The following DEPDC7 variants were observed in gnomAD, a reference collection of about 807,000 sequenced individuals.
The protein encoded by DEPDC7 is DEP domain-containing protein 7.
A neutral mutation model predicts 56.6 loss-of-function variants in DEPDC7; 41 were observed. The observed-to-expected ratio is 0.72, with a 90% CI of 0.56 to 0.94. The LOEUF is 0.94. Ranked by LOEUF, DEPDC7 falls within the 40% of genes least tolerant of loss-of-function variation. The probability of loss-of-function intolerance (pLI) is 0.00; values close to 1 mark genes in which losing one functional copy is unlikely to be tolerated. For missense variants in DEPDC7, 522 were observed against 596.3 expected (o/e 0.88, Z 1.30); for synonymous variants, 185 against 208.8 (o/e 0.89, Z 0.98).
At chr11:33,020,499 T>C (rs1354132963) in intron 1 of DEPDC7, among the ~76,000 whole-genome samples, 2 of 152,228 alleles carry the variant, frequency 1.3e-5, no homozygotes, top group African/African-American at 2.4e-5. Context: ...TGAGCCTCCT[T>C]AGGCAACCTT....
At chr11:33,031,118 C>T (rs1443411346) in intron 4 of DEPDC7, among the ~76,000 whole-genome samples, 5 of 152,158 alleles carry the variant, frequency 3.3e-5, no homozygotes, top group Non-Finnish European at 7.3e-5. Context: ...ACGCTCTTTT[C>T]ACCTCTGTGT....
chr11:33,015,904 G>T lies in DEPDC7; in HGVS notation c.-52G>T. On this transcript the variant is annotated 5_prime_UTR_variant, in exon 1 of 9. Transcript: ENST00000241051. ...CAGTTAACAGACGGGCGCTCAGGGA[G>T]CTAGGGAGCTGTGAAGCTGCTGGAG... 2.0e-6 allele frequency: 3 copies of T among 1,521,620 alleles called. No homozygotes were observed. The highest frequency in any genetic ancestry group is 2.7e-6 in the Non-Finnish European group (3 of 1,127,562). 94.3% of individuals were successfully genotyped at this position (1,521,620 alleles called of 1,614,324 possible).
intron 1 of DEPDC7, among the ~76,000 whole-genome samples, chr11:33,021,703 T>C (rs893757993): frequency 5.3e-5 from 8 of 152,048 alleles, no homozygotes; most frequent in African/African-American, 1.7e-4. Flanking sequence ...GATGCAATGG[T>C]TGGGAATTAA....
chr11:33,016,233 A>C, intron 1 of DEPDC7: 3 of 1,312,220 alleles, frequency 2.3e-6, no homozygotes, highest in Middle Eastern at 5.7e-4. Flanking sequence ...GGTGGGCTGC[A>C]AGCGGCAGAG....
intron 1 of DEPDC7, 89 bp downstream of exon 1, chr11:33,016,117 G>A: frequency 4.8e-6 from 6 of 1,249,860 alleles, no homozygotes; most frequent in Non-Finnish European, 6.0e-6. Context: ...GGCGTGGGGC[G>A]TTCGGCCGCC....
In DEPDC7 at chr11:33,025,941, A is replaced by T. The variant is rs1250826438; in HGVS notation, c.356A>T (p.Asp119Val). Residue 119 changes from aspartate (D) to valine (V), a missense_variant, in exon 2 of 9, where the codon GAC becomes GTC. Coordinates refer to ENST00000241051, the MANE Select transcript of DEPDC7 (RefSeq NM_001077242.2). ...GTTCCAACCAAAGTCTTTGGAAAAGACAAAAAACCTACATTTGAAGATAGT... is the reference window on the plus strand; with the variant it reads ...GTTCCAACCAAAGTCTTTGGAAAAGTCAAAAAACCTACATTTGAAGATAGT... ...EAVPTKVFGK[D>V]KKPTFEDSSC... is the part of the protein sequence containing the mutation. The T allele has an allele frequency of 1.9e-6, 3 of 1,614,006 alleles. No individual in the cohort carries two copies. The highest frequency in any genetic ancestry group is 2.5e-6 in the Non-Finnish European group (3 of 1,180,018).
At chr11:33,022,331 G>A (rs1024282034) in intron 1 of DEPDC7, among the ~76,000 whole-genome samples, 9 of 152,190 alleles carry the variant, frequency 5.9e-5, no homozygotes, top group African/African-American at 2.2e-4. Context: ...CAAGTTTCCA[G>A]TGAAAGGTTA....
rs776315536 is a variant in DEPDC7 at position 33,031,508 on chromosome 11, GC to G, written c.915del (p.Ile306LeufsTer12). On this transcript the variant is annotated frameshift_variant, in exon 5 of 9. Coordinates refer to ENST00000241051, the MANE Select transcript of DEPDC7 (RefSeq NM_001077242.2). LOFTEE classifies it high-confidence loss of function. ...TDLVKELLFDAIGRYYSSREP... is the reference protein window; with the variant it reads ...TDLVKELLFDXIGRYYSSREP... ...CTTAGTGAAAGAACTTCTGTTTGATGCCATTGGCAGATATTACAGTAGTAGG... is the reference window on the plus strand; with the variant it reads ...CTTAGTGAAAGAACTTCTGTTTGATGCATTGGCAGATATTACAGTAGTAGG... The G allele has an allele frequency of 6.2e-7, 1 of 1,614,118 alleles. No individual in the cohort carries two copies. The highest frequency in any genetic ancestry group is 8.5e-7 in the Non-Finnish European group (1 of 1,179,976).
chr11:33,025,055 A>G (rs1853563442), intron 1 of DEPDC7, among the ~76,000 whole-genome samples: 1 of 152,138 alleles, frequency 6.6e-6, no homozygotes, highest in Admixed American at 6.6e-5. Context: ...AACTGCCACA[A>G]GGTCCTACTT....
At chr11:33,022,984 G>T (rs1425056106) in intron 1 of DEPDC7, among the ~76,000 whole-genome samples, 1 of 152,026 alleles carries the variant, frequency 6.6e-6, no homozygotes, top group East Asian at 1.9e-4. Context: ...TGCTTATTTT[G>T]GGAGGCCTAG....
At chr11:33,022,046 T>C (rs1853529584) in intron 1 of DEPDC7, among the ~76,000 whole-genome samples, 1 of 152,236 alleles carries the variant, frequency 6.6e-6, no homozygotes, top group Non-Finnish European at 1.5e-5. Context: ...AACCTACTTA[T>C]AGCTCAAGTG....
intron 1 of DEPDC7, among the ~76,000 whole-genome samples, chr11:33,024,421 T>C (rs1021582797): frequency 1.4e-4 from 22 of 152,334 alleles, no homozygotes; most frequent in Non-Finnish European, 2.9e-4. Flanking sequence ...AATGATTGTG[T>C]GTATCAATGT....
chr11:33,033,437 T>G lies in DEPDC7; in HGVS notation c.1518T>G (p.Ile506Met). The change falls in exon 9 of 9, where the codon ATT (isoleucine) becomes ATG (methionine). Residue 506 changes from isoleucine (I) to methionine (M), a missense_variant. Transcript: ENST00000241051. Reference protein sequence around the residue: ...QFYKCHPDIFIEHFGD With the variant: ...QFYKCHPDIFMEHFGD ...ATAAGTGTCACCCAGACATCTTTATTGAGCATTTTGGAGACTGAGTTTTTA... is the reference window on the plus strand; with the variant it reads ...ATAAGTGTCACCCAGACATCTTTATGGAGCATTTTGGAGACTGAGTTTTTA... 6.3e-7 allele frequency: 1 copy of G among 1,585,002 alleles called. No individual in the cohort carries two copies. The highest frequency in any genetic ancestry group is 8.5e-7 in the Non-Finnish European group (1 of 1,171,202).
chr11:33,028,640 T>C lies in DEPDC7; in HGVS notation c.630T>C (p.Arg210=). The C allele has an allele frequency of 6.2e-7, 1 of 1,604,188 alleles. No homozygotes were observed. Among genetic ancestry groups the C allele is most frequent in the Non-Finnish European group, 8.5e-7 (1 of 1,177,660 alleles). Residue 210 remains arginine, a synonymous_variant, in exon 4 of 9, where the codon CGT becomes CGC. Coordinates refer to ENST00000241051, the MANE Select transcript of DEPDC7 (RefSeq NM_001077242.2). ...TGTGGCAAGAAGAAACAATTGGGCGTCTACTACAACTTGTAGACCTTCCAC... is the reference window on the plus strand; with the variant it reads ...TGTGGCAAGAAGAAACAATTGGGCGCCTACTACAACTTGTAGACCTTCCAC... ...NEVWQEETIG[R]LLQLVDLPLL... is the part of the protein sequence containing the mutation.
chr11:33,023,090 G>A (rs1454381394), intron 1 of DEPDC7, among the ~76,000 whole-genome samples: 1 of 151,902 alleles, frequency 6.6e-6, no homozygotes, highest in African/African-American at 2.4e-5. Flanking sequence ...TTAGCCGGGC[G>A]TGGTGGCGGG....
Position 33,025,550 on chromosome 11 carries a change from T to C in DEPDC7, c.74-109T>C, listed in dbSNP as rs1005416744. On this transcript the variant is annotated intron_variant, in intron 1 of 8. Transcript: ENST00000241051. ...GTAAGCTACCCTCATAATTGCTCCT[T>C]ATCAATAACTTTGGAAATTACCACA... The C allele has an allele frequency of 2.8e-6, 3 of 1,074,232 alleles. No homozygotes were observed. The African/African-American group carries it at 4.8e-5, about 17-fold the overall frequency. 66.5% of individuals were successfully genotyped at this position (1,074,232 alleles called of 1,614,324 possible).
chr11:33,027,107 AG>A (rs1451012584), intron 2 of DEPDC7, among the ~76,000 whole-genome samples: 1 of 152,196 alleles, frequency 6.6e-6, no homozygotes, highest in African/African-American at 2.4e-5. Flanking sequence ...CATTTAGAAA[AG>A]TTATCTTGTA....
In DEPDC7 at chr11:33,016,559, T is replaced by C; in HGVS notation, c.73+531T>C. ...GGAGGGATGAGAGGTTTATGTGAGT[T>C]CTACTGGCAGGAATTTGGCATAAAA... On this transcript the variant is annotated intron_variant, in intron 1 of 8. Coordinates refer to ENST00000241051, the MANE Select transcript of DEPDC7 (RefSeq NM_001077242.2). 2.5e-6 allele frequency: 4 copies of C among 1,614,188 alleles called. No homozygotes were observed. In the East Asian group the frequency reaches 8.9e-5, roughly 36 times the overall value.
intron 5 of DEPDC7, 89 bp downstream of exon 5, chr11:33,031,678 T>C (rs1248544915): frequency 2.0e-6 from 2 of 1,020,998 alleles, no homozygotes; most frequent in South Asian, 1.5e-5. Context: ...ATAGTACTAC[T>C]ACAAGCTGGG....
Sources: gnomAD v4.1 joint callset for allele counts (sites outside exome capture counted in the v4.1 genomes callset) on GRCh38, gnomAD v4.1.1 for gene constraint, MANE v1.5 for transcripts, NCBI Gene and HGNC (gene_info 2026-07-23, HGNC 2026-07-21) for gene names.